The following CD84 variants were observed in gnomAD, a reference collection of about 807,000 sequenced individuals.
CD84 encodes SLAM family member 5.
A neutral mutation model predicts 33.8 loss-of-function variants in CD84; 22 were observed. That is an observed-to-expected ratio of 0.65 (90% CI 0.46 to 0.93). The LOEUF is 0.93. CD84 is among the 40% of genes least tolerant of loss of function. The probability of loss-of-function intolerance (pLI) is 0.00; values close to 1 mark genes in which losing one functional copy is unlikely to be tolerated. For missense variants in CD84, 400 were observed against 397.6 expected (o/e 1.01, Z -0.05); for synonymous variants, 154 against 145.2 (o/e 1.06, Z -0.44).
chr1:160,550,643 C>T (rs557351884), intron 5 of CD84: 19 of 985,356 alleles, frequency 1.9e-5, no homozygotes, highest in African/African-American at 5.2e-5. Flanking sequence ...TGTGTGGCCC[C>T]TCTAGGGGGC....
At chr1:160,574,561 G>A (rs1361178757) in intron 1 of CD84, among the ~76,000 whole-genome samples, 1 of 152,138 alleles carries the variant, frequency 6.6e-6, no homozygotes, top group Non-Finnish European at 1.5e-5. Flanking sequence ...TGACATGAGG[G>A]TGCTCTCAAG....
intron 1 of CD84, 64 bp downstream of exon 1, chr1:160,579,328 C>T: frequency 6.2e-7 from 1 of 1,610,670 alleles, no homozygotes; most frequent in South Asian, 1.1e-5. Flanking sequence ...CAATGTCTTC[C>T]TTAAGGGCAA....
chr1:160,556,420 G>A (rs1335109316), intron 2 of CD84, among the ~76,000 whole-genome samples: 3 of 152,180 alleles, frequency 2.0e-5, no homozygotes, highest in Non-Finnish European at 4.4e-5. Context: ...CAATTGTTGT[G>A]AGGATTAAAT....
chr1:160,550,832 G>A, intron 5 of CD84, 106 bp downstream of exon 5: 1 of 1,570,716 alleles, frequency 6.4e-7, no homozygotes. Context: ...CTGGACTCTT[G>A]GCCGTGGCTG....
chr1:160,568,810 G>A (rs1255026545), intron 1 of CD84, among the ~76,000 whole-genome samples: 5 of 152,108 alleles, frequency 3.3e-5, no homozygotes, highest in South Asian at 4.2e-4. Context: ...TAGTAGAGAC[G>A]GGGTTTCACC....
intron 4 of CD84, chr1:160,552,603 C>T: frequency 1.3e-6 from 1 of 772,844 alleles, no homozygotes; most frequent in Non-Finnish European, 2.3e-6. Flanking sequence ...GACTTTCACG[C>T]CTAGACTGAC....
intron 2 of CD84, among the ~76,000 whole-genome samples, chr1:160,564,506 A>G (rs1162776509): frequency 6.6e-6 from 1 of 152,210 alleles, no homozygotes; most frequent in Admixed American, 6.5e-5. Context: ...AACTGGAAAG[A>G]ACTAAAATGT....
intron 2 of CD84, among the ~76,000 whole-genome samples, chr1:160,558,120 T>C (rs1656727354): frequency 6.6e-6 from 1 of 152,234 alleles, no homozygotes; most frequent in African/African-American, 2.4e-5. Context: ...ACACCTGCTC[T>C]ATCAAAAAGC....
Position 160,554,150 on chromosome 1 carries a change from T to TG in CD84, c.389-5dup. On this transcript the variant is annotated splice_polypyrimidine_tract_variant and splice_region_variant and intron_variant, in intron 2 of 6. Transcript: ENST00000368054. The stretch of plus-strand genomic sequence containing the variant: ...ATTTTTGGTTTCCCAAGCCGACCTG[T>TG]GGGGGCAAACACATGAGCCAATAGT... The TG allele has an allele frequency of 6.2e-7, 1 of 1,607,180 alleles. No individual in the cohort carries two copies. The highest frequency in any genetic ancestry group is 8.5e-7 in the Non-Finnish European group (1 of 1,176,044).
intron 2 of CD84, among the ~76,000 whole-genome samples, chr1:160,554,483 A>G (rs894811088): frequency 1.3e-5 from 2 of 152,216 alleles, no homozygotes; most frequent in African/African-American, 2.4e-5. Flanking sequence ...TGCAATTGCT[A>G]TAAGCTAGGA....
Position 160,561,984 on chromosome 1 carries a change from C to CCA in CD84, c.388+3419_388+3420insTG, listed in dbSNP as rs1427095618. On this transcript the variant is annotated intron_variant, in intron 2 of 6. Coordinates refer to ENST00000368054, the MANE Select transcript of CD84 (RefSeq NM_003874.4). ...AAGTGAAGGACATTCACAATTGCTA[C>CCA]AAAAAGATTAATATGCCTAGGAATA... 9.2e-5 allele frequency among the ~76,000 whole-genome samples: 14 copies of CCA among 152,210 alleles called. No homozygotes were observed. In the East Asian group the frequency reaches 2.5e-3, roughly 27 times the overall value.
chr1:160,568,613 C>CTTAT (rs1044742941), intron 1 of CD84, among the ~76,000 whole-genome samples: 2 of 152,032 alleles, frequency 1.3e-5, no homozygotes, highest in African/African-American at 4.8e-5. Context: ...CAAAACCTTT[C>CTTAT]TTATTTATTT....
intron 2 of CD84, among the ~76,000 whole-genome samples, chr1:160,556,285 G>A (rs1656600937): frequency 6.6e-6 from 1 of 152,198 alleles, no homozygotes; most frequent in Non-Finnish European, 1.5e-5. Flanking sequence ...GGAAGCCACT[G>A]GAGACCTGGT....
At chr1:160,563,085 G>A in intron 2 of CD84, among the ~76,000 whole-genome samples, 1 of 152,066 alleles carries the variant, frequency 6.6e-6, no homozygotes, top group East Asian at 1.9e-4. Context: ...ATAAAGTCAA[G>A]AAACAACAGA....
intron 4 of CD84, among the ~76,000 whole-genome samples, chr1:160,552,102 A>G (rs1287263468): frequency 3.3e-5 from 5 of 152,234 alleles, no homozygotes; most frequent in African/African-American, 1.2e-4. Flanking sequence ...GTCTGAGCTG[A>G]GCAGTATTAC....
chr1:160,558,239 C>T (rs373633514), intron 2 of CD84, among the ~76,000 whole-genome samples: 1 of 152,148 alleles, frequency 6.6e-6, no homozygotes, highest in African/African-American at 2.4e-5. Flanking sequence ...AGGCTGGCAA[C>T]AGGTCAGTAC....
At chr1:160,573,499 A>G (rs1162961265) in intron 1 of CD84, among the ~76,000 whole-genome samples, 1 of 152,160 alleles carries the variant, frequency 6.6e-6, no homozygotes, top group African/African-American at 2.4e-5. Flanking sequence ...TCTGTTCTGT[A>G]AACAGGCCAA....
At position 160,547,382 on chromosome 1, in the gene CD84, G is replaced by T. The variant is rs1655890689; in HGVS notation, c.*874C>A. 1 of 393,374 alleles carries T rather than the reference G, an allele frequency of 2.5e-6. No homozygotes were observed. The highest frequency in any genetic ancestry group is 2.1e-5 in the African/African-American group (1 of 48,510). The allele number at this position is 393,374 out of a possible 1,614,324, so 24.4% of individuals were successfully genotyped here. A position where few individuals can be genotyped will look rare whatever the true frequency, so the allele number is the denominator to read the frequency against. ...AATACTGGGCATGGCTGCTTCTTCT[G>T]CTGAGGCTGCTTGGAGTGATACAGA... On this transcript the variant is annotated 3_prime_UTR_variant, in exon 7 of 7. Transcript: ENST00000368054.
intron 4 of CD84, chr1:160,552,680 A>C: frequency 2.6e-6 from 4 of 1,522,756 alleles, no homozygotes; most frequent in Non-Finnish European, 3.6e-6. Context: ...TTGTTATTCA[A>C]GGAACTTTGT....
Sources: gnomAD v4.1 joint callset for allele counts (sites outside exome capture counted in the v4.1 genomes callset) on GRCh38, gnomAD v4.1.1 for gene constraint, MANE v1.5 for transcripts, NCBI Gene and HGNC (gene_info 2026-07-23, HGNC 2026-07-21) for gene names.